EMB: variants seen among roughly 807,000 people sequenced by gnomAD.
EMB encodes embigin.
A neutral mutation model predicts 41.4 loss-of-function variants in EMB; 31 were observed. The observed-to-expected ratio is 0.75, with a 90% CI of 0.56 to 1.01. The LOEUF (loss-of-function observed/expected upper bound fraction) is 1.01, where lower values mean the gene tolerates loss of function less well. EMB is among the 50% of genes least tolerant of loss of function. The pLI is 0.00. For missense variants in EMB, 379 were observed against 388.3 expected, an observed-to-expected ratio of 0.98 and a Z score of 0.20; for synonymous variants, 137 against 140.4, an observed-to-expected ratio of 0.98 and a Z score of 0.17.
intron 1 of EMB, among the ~76,000 whole-genome samples, chr5:50,435,435 T>G (rs1158108112): frequency 6.6e-6 from 1 of 152,208 alleles, no homozygotes; most frequent in African/African-American, 2.4e-5. Context: ...TGGCTATCAC[T>G]TCTCTCTAAT....
chr5:50,405,146 C>T (rs541542938), intron 5 of EMB, among the ~76,000 whole-genome samples: 1 of 151,896 alleles, frequency 6.6e-6, no homozygotes, highest in Non-Finnish European at 1.5e-5. Flanking sequence ...TTAATATCAG[C>T]TCTTTGAATA....
In EMB at chr5:50,426,920, T is replaced by C. The variant is rs571662850; in HGVS notation, c.196+1224A>G. On this transcript the variant is annotated intron_variant, in intron 2 of 8. Transcript: ENST00000303221. ...AAAGAAAAAAAAAAAAAAAAACACT[T>C]AGGACACAAAGCACCTGCCCGGGGC... Among the ~76,000 whole-genome samples the C allele has an allele frequency of 5.6e-4, 84 of 149,520 alleles. 1 individual carries two copies. The highest frequency in any genetic ancestry group is 2.0e-3 in the African/African-American group (80 of 40,598).
intron 1 of EMB, 34 bp downstream of exon 1, chr5:50,441,006 G>A: frequency 2.3e-6 from 3 of 1,289,358 alleles, no homozygotes; most frequent in Middle Eastern, 2.9e-4. Flanking sequence ...CGCGCCCTCC[G>A]CCCTCCCTAC....
chr5:50,399,326 A>T (rs757781894), intron 8 of EMB, 36 bp from the exon 9 acceptor site: 36 of 1,603,538 alleles, frequency 2.2e-5, no homozygotes, highest in Admixed American at 8.5e-5. Context: ...TATAATTAGT[A>T]TGTTCTGGTT....
intron 2 of EMB, among the ~76,000 whole-genome samples, chr5:50,412,918 G>A (rs934486411): frequency 2.4e-5 from 3 of 124,572 alleles, no homozygotes; most frequent in Non-Finnish European, 5.0e-5. Context: ...CCAGAAATCT[G>A]GGATTTCTGG....
At chr5:50,406,030 T>C (rs1160907403) in intron 4 of EMB, among the ~76,000 whole-genome samples, 178 bp from the exon 5 acceptor site, 2 of 151,908 alleles carry the variant, frequency 1.3e-5, no homozygotes, top group African/African-American at 4.8e-5. Context: ...ATAATAATAG[T>C]AGATAGATTC....
intron 1 of EMB, among the ~76,000 whole-genome samples, chr5:50,438,529 A>G (rs906950972): frequency 5.9e-5 from 9 of 152,234 alleles, no homozygotes; most frequent in Non-Finnish European, 1.2e-4. Flanking sequence ...CTATACATTT[A>G]TAACTATTCT....
intron 2 of EMB, among the ~76,000 whole-genome samples, chr5:50,417,458 T>C (rs1223156124): frequency 5.3e-5 from 8 of 152,220 alleles, no homozygotes; most frequent in Admixed American, 6.5e-5. Flanking sequence ...AGAATCATGA[T>C]GGTTTATTAA....
At chr5:50,437,910 T>C (rs933855935) in intron 1 of EMB, among the ~76,000 whole-genome samples, 4 of 152,336 alleles carry the variant, frequency 2.6e-5, no homozygotes, top group Non-Finnish European at 1.5e-5. Flanking sequence ...AATAATGATA[T>C]TTAAATACTC....
At chr5:50,432,474 C>A (rs1308096639) in intron 1 of EMB, among the ~76,000 whole-genome samples, 1 of 152,012 alleles carries the variant, frequency 6.6e-6, no homozygotes, top group Non-Finnish European at 1.5e-5. Flanking sequence ...GAATATATTT[C>A]TTCATGGAAG....
intron 5 of EMB, among the ~76,000 whole-genome samples, chr5:50,405,104 C>T (rs1220056756): frequency 6.6e-6 from 1 of 151,788 alleles, no homozygotes; most frequent in African/African-American, 2.4e-5. Flanking sequence ...GAAAGGAAAC[C>T]AGAAATTATT....
intron 2 of EMB, among the ~76,000 whole-genome samples, chr5:50,424,220 T>A (rs1745572647): frequency 6.6e-6 from 1 of 152,226 alleles, no homozygotes; most frequent in South Asian, 2.1e-4. Flanking sequence ...AAAAGAATGT[T>A]TACTGTATTT....
At chr5:50,422,911 A>G (rs1336436438) in intron 2 of EMB, among the ~76,000 whole-genome samples, 1 of 152,194 alleles carries the variant, frequency 6.6e-6, no homozygotes, top group Non-Finnish European at 1.5e-5. Flanking sequence ...AAAGATGTGC[A>G]TAATTTCTAA....
chr5:50,427,968 G>A (rs547191564), intron 2 of EMB, among the ~76,000 whole-genome samples, 176 bp downstream of exon 2: 26 of 152,148 alleles, frequency 1.7e-4, no homozygotes, highest in East Asian at 5.8e-4. Context: ...TCCTTTGTGC[G>A]CCCCCAGTAA....
chr5:50,427,508 A>ATTATAT (rs1554025329), intron 2 of EMB, among the ~76,000 whole-genome samples: 1 of 148,648 alleles, frequency 6.7e-6, no homozygotes, highest in Non-Finnish European at 1.5e-5. Context: ...TATTATTATT[A>ATTATAT]TATTATTATT....
intron 2 of EMB, among the ~76,000 whole-genome samples, chr5:50,413,581 TTTC>T (rs1313771383): frequency 5.9e-5 from 9 of 151,496 alleles, no homozygotes; most frequent in Non-Finnish European, 1.2e-4. Context: ...TTTTTCTTTC[TTTC>T]TTTTTTTTTT....
chr5:50,423,504 A>T (rs1373575395), intron 2 of EMB, among the ~76,000 whole-genome samples: 2 of 152,168 alleles, frequency 1.3e-5, no homozygotes, highest in Admixed American at 1.3e-4. Context: ...ATTTTCTATA[A>T]TCTGAAGCTC....
Position 50,435,618 on chromosome 5 carries a change from A to G in EMB, c.112+5422T>C, listed in dbSNP as rs956098659. The stretch of plus-strand genomic sequence containing the variant: ...TTCTCACCAGATCGTCTCAGATGGC[A>G]TACCATTTTTTTGGTCTTTGATCAT... On this transcript the variant is annotated intron_variant, in intron 1 of 8. Coordinates refer to ENST00000303221, the MANE Select transcript of EMB (RefSeq NM_198449.3). Among the ~76,000 whole-genome samples the G allele has an allele frequency of 9.9e-5, 15 of 152,212 alleles. 1 individual carries two copies. The highest frequency in any genetic ancestry group is 3.6e-4 in the African/African-American group (15 of 41,450).
intron 8 of EMB, among the ~76,000 whole-genome samples, chr5:50,399,545 A>C (rs189663386): frequency 2.0e-4 from 31 of 152,122 alleles, no homozygotes; most frequent in African/African-American, 7.0e-4. Flanking sequence ...AAATCCAGAA[A>C]ATTTTAGAGG....
Sources: allele counts gnomAD v4.1 joint callset (sites outside exome capture counted in the v4.1 genomes callset), GRCh38; gene constraint gnomAD v4.1.1; transcripts MANE v1.5; gene names NCBI Gene and HGNC (gene_info 2026-07-23, HGNC 2026-07-21).